The following DPYD variants were observed in gnomAD, a reference collection of about 807,000 sequenced individuals.
The protein encoded by DPYD is dihydropyrimidine dehydrogenase, also known as dihydropyrimidine dehydrogenase [NADP(+)].
In DPYD, 109 loss-of-function variants were observed where a neutral mutation model predicts 116.2. The ratio of observed to expected loss-of-function variants is 0.94; its 90% confidence interval spans 0.80 to 1.10. DPYD has a LOEUF of 1.10. Among genes scored for constraint, DPYD ranks in the 50% least tolerant of loss-of-function variants. The pLI is 0.00. For missense variants in DPYD, 1,302 were observed against 1,254.5 expected, an observed-to-expected ratio of 1.04 and a Z score of -0.57; for synonymous variants, 440 against 432.0, an observed-to-expected ratio of 1.02 and a Z score of -0.23.
chr1:97,600,194 A>G (rs2102274965), intron 8 of DPYD, among the ~76,000 whole-genome samples: 1 of 152,274 alleles, frequency 6.6e-6, no homozygotes, highest in African/African-American at 2.4e-5. Flanking sequence ...ACTACTCTCA[A>G]GTTTTCTGGA....
At chr1:97,632,829 T>C (rs904860810) in intron 8 of DPYD, among the ~76,000 whole-genome samples, 3 of 151,952 alleles carry the variant, frequency 2.0e-5, no homozygotes, top group African/African-American at 4.8e-5. Flanking sequence ...AAAAGATGGG[T>C]TTTTTAAAAG....
rs568193942 is a variant in DPYD at position 97,789,421 on chromosome 1, T to C, written c.233+38693A>G. 1.2e-4 allele frequency among the ~76,000 whole-genome samples: 19 copies of C among 152,332 alleles called. No homozygotes were observed. In the South Asian group the frequency reaches 3.9e-3, roughly 32 times the overall value. On this transcript the variant is annotated intron_variant, in intron 3 of 22. Transcript: ENST00000370192. ...AATCATTTAACAGCATTTCTTTCTT[T>C]TGCAAAATTGAATCACAAGCTATTA...
intron 2 of DPYD, among the ~76,000 whole-genome samples, chr1:97,846,198 C>T (rs1249447735): frequency 1.3e-5 from 2 of 152,166 alleles, no homozygotes; most frequent in Admixed American, 6.5e-5. Context: ...TCAAGGATCA[C>T]GTGACACTGG....
chr1:97,850,727 C>A (rs929019019), intron 2 of DPYD, among the ~76,000 whole-genome samples: 1 of 147,584 alleles, frequency 6.8e-6, no homozygotes, highest in Non-Finnish European at 1.5e-5. Flanking sequence ...AATTCGGTCA[C>A]CTATTTTTTC....
In DPYD at chr1:97,535,330, C is replaced by T. The variant is rs372362149; in HGVS notation, c.1524+14230G>A. Among the ~76,000 whole-genome samples the T allele has an allele frequency of 3.3e-5, 5 of 152,216 alleles. No individual in the cohort carries two copies. The South Asian group carries it at 8.3e-4, about 25-fold the overall frequency. On this transcript the variant is annotated intron_variant, in intron 12 of 22. Coordinates refer to ENST00000370192, the MANE Select transcript of DPYD (RefSeq NM_000110.4). ...ATTTTGGGTGTTTTGTTTTATTGTG[C>T]TACATTGCCATTAGACCCAGCAGAC...
intron 4 of DPYD, among the ~76,000 whole-genome samples, chr1:97,734,344 A>G (rs934511791): frequency 6.6e-6 from 1 of 152,102 alleles, no homozygotes; most frequent in East Asian, 1.9e-4. Flanking sequence ...TTACACACTC[A>G]TATTTACTTG....
chr1:97,420,153 T>G (rs1350354775), intron 14 of DPYD: 1 of 152,230 alleles, frequency 6.6e-6, no homozygotes, highest in Admixed American at 6.5e-5. Context: ...CCACAGGTAC[T>G]TCACAGTGAC....
At chr1:97,569,995 T>C (rs772091364) in intron 11 of DPYD, among the ~76,000 whole-genome samples, 1 of 152,000 alleles carries the variant, frequency 6.6e-6, no homozygotes, top group Non-Finnish European at 1.5e-5. Flanking sequence ...CAAACTCTTA[T>C]CCAAGTTTAT....
chr1:97,348,563 C>T (rs1669972809), intron 16 of DPYD, among the ~76,000 whole-genome samples: 1 of 152,180 alleles, frequency 6.6e-6, no homozygotes, highest in Admixed American at 6.6e-5. Context: ...GAAGGAAGAA[C>T]TATTCCTTTT....
chr1:97,662,815 A>G (rs1306917899), intron 8 of DPYD, among the ~76,000 whole-genome samples: 1 of 152,184 alleles, frequency 6.6e-6, no homozygotes, highest in African/African-American at 2.4e-5. Context: ...ATCATGTTGA[A>G]ATAATATTCT....
Position 97,167,827 on chromosome 1 carries a change from T to A in DPYD, c.2622+25242A>T, listed in dbSNP as rs1046400079. The stretch of plus-strand genomic sequence containing the variant: ...TGTCTGATAGCATAAAGGTATATTA[T>A]AGCCTAGAAAGAGTAAAGAGCCTGC... On this transcript the variant is annotated intron_variant, in intron 20 of 22. Coordinates refer to ENST00000370192, the MANE Select transcript of DPYD (RefSeq NM_000110.4). Among the ~76,000 whole-genome samples, 8 of 152,174 alleles carry A rather than the reference T, an allele frequency of 5.3e-5. No individual in the cohort carries two copies. The South Asian group carries it at 1.0e-3, about 20-fold the overall frequency.
At chr1:97,786,374 G>T (rs1318799964) in intron 3 of DPYD, among the ~76,000 whole-genome samples, 1 of 152,148 alleles carries the variant, frequency 6.6e-6, no homozygotes, top group African/African-American at 2.4e-5. Flanking sequence ...ACGTGTAATT[G>T]GCCTTCACTT....
intron 20 of DPYD, among the ~76,000 whole-genome samples, chr1:97,175,786 TATTA>T (rs1453388565): frequency 6.6e-6 from 1 of 152,234 alleles, no homozygotes; most frequent in Non-Finnish European, 1.5e-5. Flanking sequence ...GTGCATCTCT[TATTA>T]ATTGATTCAA....
chr1:97,114,975 C>CTTTT lies in DPYD; in HGVS notation c.2623-16347_2623-16344dup, dbSNP rs945419706. On this transcript the variant is annotated intron_variant, in intron 20 of 22. Transcript: ENST00000370192. The stretch of plus-strand genomic sequence containing the variant: ...CCTTCTGATCGCATAGGATTTACTG[C>CTTTT]TTTTTGTCATTCATCTCTCACACTT... Among the ~76,000 whole-genome samples, 4 of 152,164 alleles carry CTTTT rather than the reference C, an allele frequency of 2.6e-5. 1 individual carries two copies. The highest frequency in any genetic ancestry group is 2.6e-4 in the Admixed American group (4 of 15,262).
At chr1:97,286,402 A>G (rs1192098398) in intron 18 of DPYD, among the ~76,000 whole-genome samples, 1 of 151,924 alleles carries the variant, frequency 6.6e-6, no homozygotes, top group Non-Finnish European at 1.5e-5. Context: ...TGTGTCTTGG[A>G]GTTGCTCTTC....
chr1:97,846,069 G>A (rs1670285989), intron 2 of DPYD, among the ~76,000 whole-genome samples: 1 of 152,216 alleles, frequency 6.6e-6, no homozygotes, highest in Admixed American at 6.5e-5. Flanking sequence ...CCAGACTGGT[G>A]GTGCGAGCCG....
chr1:97,295,710 T>C, intron 18 of DPYD: 1 of 961,768 alleles, frequency 1.0e-6, no homozygotes, highest in Non-Finnish European at 1.2e-6. Context: ...GGATTCCATG[T>C]GTGAGCCATC....
chr1:97,254,103 T>C (rs1663284607), intron 18 of DPYD, among the ~76,000 whole-genome samples: 2 of 152,110 alleles, frequency 1.3e-5, no homozygotes, highest in Admixed American at 6.6e-5. Context: ...CTTTTTATGC[T>C]AAAAATTGTT....
intron 3 of DPYD, among the ~76,000 whole-genome samples, chr1:97,776,016 G>A (rs374842624): frequency 6.6e-6 from 1 of 152,102 alleles, no homozygotes; most frequent in Non-Finnish European, 1.5e-5. Flanking sequence ...GTTTGATAAG[G>A]TTGGGAGGGA....
Sources: gnomAD v4.1 joint callset for allele counts (sites outside exome capture counted in the v4.1 genomes callset) on GRCh38, gnomAD v4.1.1 for gene constraint, MANE v1.5 for transcripts, NCBI Gene and HGNC (gene_info 2026-07-23, HGNC 2026-07-21) for gene names.